Variants in KCNQ3 observed in about 807,000 individuals in gnomAD.
KCNQ3 encodes potassium voltage-gated channel subfamily Q member 3.
KCNQ3 carries 30 observed loss-of-function variants against 92.5 expected under a neutral mutation model. The observed-to-expected ratio is 0.32, with a 90% CI of 0.24 to 0.44. KCNQ3 has a LOEUF of 0.44. Ranked by LOEUF, KCNQ3 falls within the 20% of genes least tolerant of loss-of-function variation. KCNQ3 has a pLI of 1.00. For missense variants in KCNQ3, 913 were observed against 1,140.3 expected (o/e 0.80, Z 2.87); for synonymous variants, 450 against 468.8 (o/e 0.96, Z 0.52).
At chr8:132,131,537 G>A (rs905265183) in intron 14 of KCNQ3, among the ~76,000 whole-genome samples, 1 of 152,042 alleles carries the variant, frequency 6.6e-6, no homozygotes, top group South Asian at 2.1e-4. Context: ...TTTCCTAAGG[G>A]TTCACCATGA....
chr8:132,227,240 T>G (rs954954600), intron 1 of KCNQ3, among the ~76,000 whole-genome samples: 1 of 152,010 alleles, frequency 6.6e-6, no homozygotes, highest in African/African-American at 2.4e-5. Flanking sequence ...TTTTGTACTT[T>G]TAGTAGAGAC....
Position 132,137,882 on chromosome 8 carries a change from C to T in KCNQ3, c.1700+3G>A, listed in dbSNP as rs115092422. The T allele has an allele frequency of 2.4e-3, 3,902 of 1,613,984 alleles. 87 individuals are homozygous for T. In the African/African-American group the frequency reaches 0.045, roughly 19 times the overall value. On this transcript the variant is annotated splice_donor_region_variant and intron_variant, in intron 12 of 14. Coordinates refer to ENST00000388996, the MANE Select transcript of KCNQ3 (RefSeq NM_004519.4). ...GCAGTCCCTCCAGATGTGACTGTCTCACCTCGTCTGAAGGTACTTTATCCT... is the reference window on the plus strand; with the variant it reads ...GCAGTCCCTCCAGATGTGACTGTCTTACCTCGTCTGAAGGTACTTTATCCT...
chr8:132,285,091 A>G (rs562437741), intron 1 of KCNQ3, among the ~76,000 whole-genome samples: 2 of 152,354 alleles, frequency 1.3e-5, no homozygotes, highest in East Asian at 3.9e-4. Flanking sequence ...CATAAAATGT[A>G]CTGAGGCAGA....
At chr8:132,196,938 T>C (rs1035316829) in intron 1 of KCNQ3, among the ~76,000 whole-genome samples, 9 of 152,142 alleles carry the variant, frequency 5.9e-5, no homozygotes, top group Non-Finnish European at 1.0e-4. Flanking sequence ...AGTACTGATA[T>C]GTCTTAACTA....
intron 1 of KCNQ3, among the ~76,000 whole-genome samples, chr8:132,350,182 G>A (rs899506267): frequency 6.6e-6 from 1 of 152,158 alleles, no homozygotes; most frequent in African/African-American, 2.4e-5. Flanking sequence ...ACACTGAAGA[G>A]TTCAGAACGT....
chr8:132,365,913 C>T (rs564036589), intron 1 of KCNQ3, among the ~76,000 whole-genome samples: 35 of 152,196 alleles, frequency 2.3e-4, no homozygotes, highest in African/African-American at 8.4e-4. Flanking sequence ...GCCTGTAAGT[C>T]CCAGCTACTC....
At chr8:132,346,089 CGAT>C (rs934256316) in intron 1 of KCNQ3, among the ~76,000 whole-genome samples, 41 of 151,852 alleles carry the variant, frequency 2.7e-4, no homozygotes, top group African/African-American at 5.3e-4. Flanking sequence ...GACAAGATGA[CGAT>C]GATGATGATG....
At chr8:132,365,406 G>A (rs1819292227) in intron 1 of KCNQ3, among the ~76,000 whole-genome samples, 2 of 152,204 alleles carry the variant, frequency 1.3e-5, no homozygotes, top group South Asian at 2.1e-4. Flanking sequence ...GAAAGACAAT[G>A]AGCGTGGGTG....
intron 1 of KCNQ3, among the ~76,000 whole-genome samples, chr8:132,343,710 C>G (rs1343386045): frequency 1.3e-5 from 2 of 152,072 alleles, no homozygotes; most frequent in Non-Finnish European, 2.9e-5. Context: ...CCAAGAGATA[C>G]TCGCTCCCTG....
At chr8:132,344,382 G>T (rs1401929837) in intron 1 of KCNQ3, among the ~76,000 whole-genome samples, 2 of 152,188 alleles carry the variant, frequency 1.3e-5, no homozygotes, top group Non-Finnish European at 2.9e-5. Context: ...TGCCATTTGA[G>T]GAAACTGCAC....
rs369140468 is a variant in KCNQ3 at position 132,249,775 on chromosome 8, G to A, written c.387-63594C>T. Among the ~76,000 whole-genome samples the A allele has an allele frequency of 6.6e-4, 100 of 152,282 alleles. 2 individuals are homozygous for A. In the East Asian group the frequency reaches 0.017, roughly 26 times the overall value. On this transcript the variant is annotated intron_variant, in intron 1 of 14. Coordinates refer to ENST00000388996, the MANE Select transcript of KCNQ3 (RefSeq NM_004519.4). ...GGCTAGGGGGAGGCTCGGGCATGAC[G>A]GGCTGCAGGTCCTGAGCCCTGCCCC...
At chr8:132,384,541 C>A (rs1246071098) in intron 1 of KCNQ3, among the ~76,000 whole-genome samples, 2 of 152,162 alleles carry the variant, frequency 1.3e-5, no homozygotes, top group Admixed American at 6.5e-5. Context: ...AGCTGAACAT[C>A]CAAGCTAGGG....
intron 2 of KCNQ3, 110 bp from the exon 3 acceptor site, chr8:132,184,477 T>C: frequency 7.7e-7 from 1 of 1,304,880 alleles, no homozygotes. Flanking sequence ...CTGTTGCTGG[T>C]TGTCTGGTTG....
intron 12 of KCNQ3, 138 bp downstream of exon 12, chr8:132,137,747 C>T: frequency 9.1e-7 from 1 of 1,098,678 alleles, no homozygotes; most frequent in Non-Finnish European, 1.4e-6. Context: ...GCCTAGACAT[C>T]CACAAGGCTT....
chr8:132,453,184 G>C (rs10105036), intron 1 of KCNQ3, among the ~76,000 whole-genome samples: 5,398 of 152,246 alleles, frequency 0.035, 120 homozygotes, highest in Middle Eastern at 0.071. Context: ...GGAATGGCTG[G>C]TCCACCCAAG....
intron 1 of KCNQ3, among the ~76,000 whole-genome samples, chr8:132,286,770 T>C (rs1029360107): frequency 7.2e-5 from 11 of 152,248 alleles, no homozygotes; most frequent in African/African-American, 2.7e-4. Flanking sequence ...TGGGAGGTAG[T>C]TCTTTTAAGA....
chr8:132,215,857 T>C (rs1178419984), intron 1 of KCNQ3, among the ~76,000 whole-genome samples: 1 of 152,148 alleles, frequency 6.6e-6, no homozygotes, highest in Non-Finnish European at 1.5e-5. Context: ...GGGTGGGACT[T>C]TGCTAAAGTT....
intron 1 of KCNQ3, among the ~76,000 whole-genome samples, chr8:132,217,946 T>A (rs540138443): frequency 6.6e-6 from 1 of 152,158 alleles, no homozygotes; most frequent in African/African-American, 2.4e-5. Flanking sequence ...GAAAAACAGT[T>A]TGTTCTCCTA....
At chr8:132,243,033 G>A (rs762745482) in intron 1 of KCNQ3, among the ~76,000 whole-genome samples, 26 of 152,186 alleles carry the variant, frequency 1.7e-4, no homozygotes, top group Non-Finnish European at 3.4e-4. Flanking sequence ...GGAGGAATAA[G>A]ACAATAAAAT....
Sources: gnomAD v4.1 joint callset for allele counts (sites outside exome capture counted in the v4.1 genomes callset) on GRCh38, gnomAD v4.1.1 for gene constraint, MANE v1.5 for transcripts, NCBI Gene and HGNC (gene_info 2026-07-23, HGNC 2026-07-21) for gene names.